The following APBB2 variants were observed in gnomAD, a reference collection of about 807,000 sequenced individuals.
APBB2 encodes the protein amyloid beta precursor protein binding family B member 2.
Under a neutral mutation model 82.5 loss-of-function variants are expected in APBB2, and 38 were observed. The observed-to-expected ratio is 0.46, with a 90% CI of 0.36 to 0.60. The LOEUF is 0.60. APBB2 is among the 20% of genes least tolerant of loss of function. APBB2 has a pLI of 0.00. For synonymous variants in APBB2, 341 were observed against 368.2 expected, an observed-to-expected ratio of 0.93 and a Z score of 0.85; for missense variants, 772 against 972.3, an observed-to-expected ratio of 0.79 and a Z score of 2.74.
At position 40,833,023 on chromosome 4, in the gene APBB2, G is replaced by C. The variant is rs529275657; in HGVS notation, c.1530-2446C>G. Among the ~76,000 whole-genome samples the C allele has an allele frequency of 2.6e-5, 4 of 152,276 alleles. No homozygotes were observed. In the East Asian group the frequency reaches 7.7e-4, roughly 29 times the overall value. ...TGAGCACAGTCTTCTCCACACTGTG[G>C]CCTTCCCATCCAGCCTCAACCACCA... is the stretch of plus-strand genomic sequence containing the variant. On this transcript the variant is annotated intron_variant, in intron 12 of 17. Transcript: ENST00000508593.
intron 6 of APBB2, among the ~76,000 whole-genome samples, chr4:40,981,174 G>A (rs1388760139): frequency 7.9e-5 from 12 of 152,298 alleles, no homozygotes; most frequent in East Asian, 3.9e-4. Context: ...GGAGGCTGAG[G>A]CGGGCGGATC....
At chr4:41,076,670 C>T (rs184476210) in intron 3 of APBB2, among the ~76,000 whole-genome samples, 1 of 152,312 alleles carries the variant, frequency 6.6e-6, no homozygotes, top group Admixed American at 6.5e-5. Context: ...CAAAGCCTTG[C>T]TTTGTGCCTC....
intron 6 of APBB2, among the ~76,000 whole-genome samples, chr4:40,948,760 TAAAAAAAAA>T (rs34662232): frequency 3.6e-5 from 3 of 83,358 alleles, no homozygotes; most frequent in African/African-American, 9.6e-5. Context: ...ACTCCCATCT[TAAAAAAAAA>T]AAAAAAAAAA....
intron 3 of APBB2, among the ~76,000 whole-genome samples, 159 bp downstream of exon 3, chr4:41,100,480 A>G (rs910244704): frequency 6.6e-6 from 1 of 152,066 alleles, no homozygotes; most frequent in Non-Finnish European, 1.5e-5. Flanking sequence ...TTTTTTACAC[A>G]AAGAGGTTTC....
chr4:41,204,695 G>T (rs986165339), intron 1 of APBB2, among the ~76,000 whole-genome samples: 1 of 152,180 alleles, frequency 6.6e-6, no homozygotes, highest in African/African-American at 2.4e-5. Flanking sequence ...GGCCATCCTG[G>T]TCAGTGTCCA....
At chr4:40,852,750 C>T (rs571665508) in intron 12 of APBB2, among the ~76,000 whole-genome samples, 5 of 152,146 alleles carry the variant, frequency 3.3e-5, no homozygotes, top group African/African-American at 1.2e-4. Flanking sequence ...AAGAGATTCT[C>T]GTGCCTCAGC....
At chr4:41,209,243 G>T (rs1036962934) in intron 1 of APBB2, among the ~76,000 whole-genome samples, 1 of 152,142 alleles carries the variant, frequency 6.6e-6, no homozygotes. Flanking sequence ...AAAGGTTAAT[G>T]AGGCTGAGTT....
rs559828591 is a variant in APBB2 at position 40,837,379 on chromosome 4, G to C, written c.1530-6802C>G. ...CTTCCGGCTTCCAGAGCACCAGGAG[G>C]GTCCCATCTCAGACAGGCTGGGAGC... On this transcript the variant is annotated intron_variant, in intron 12 of 17. Coordinates refer to ENST00000508593, the MANE Select transcript of APBB2 (RefSeq NM_004307.2). Among the ~76,000 whole-genome samples, 37 of 152,316 alleles carry C rather than the reference G, an allele frequency of 2.4e-4. No individual in the cohort carries two copies. The South Asian group carries it at 7.7e-3, about 32-fold the overall frequency.
At chr4:41,100,167 T>C (rs1744870366) in intron 3 of APBB2, among the ~76,000 whole-genome samples, 1 of 152,228 alleles carries the variant, frequency 6.6e-6, no homozygotes, top group Non-Finnish European at 1.5e-5. Flanking sequence ...AAGAATTTAT[T>C]GGACAAGCAA....
chr4:40,978,873 T>A (rs1005833409), intron 6 of APBB2, among the ~76,000 whole-genome samples: 7 of 152,138 alleles, frequency 4.6e-5, no homozygotes, highest in African/African-American at 1.7e-4. Flanking sequence ...ACAAAAAAAA[T>A]TGCTCATTAA....
chr4:41,036,208 C>T (rs1719106438), intron 4 of APBB2, among the ~76,000 whole-genome samples: 1 of 152,080 alleles, frequency 6.6e-6, no homozygotes, highest in Non-Finnish European at 1.5e-5. Context: ...TGCATAGATT[C>T]TATGCAAATA....
intron 10 of APBB2, among the ~76,000 whole-genome samples, chr4:40,898,731 G>A (rs1007227411): frequency 2.0e-5 from 3 of 151,794 alleles, no homozygotes; most frequent in Non-Finnish European, 4.4e-5. Context: ...CAACAGGCCG[G>A]GCATGGTGGC....
chr4:40,919,872 G>A (rs569155080), intron 10 of APBB2, among the ~76,000 whole-genome samples: 1 of 152,252 alleles, frequency 6.6e-6, no homozygotes, highest in Non-Finnish European at 1.5e-5. Context: ...TGAGAGAAGC[G>A]AAGTCCAGAG....
intron 6 of APBB2, among the ~76,000 whole-genome samples, chr4:41,006,775 G>A (rs1213795544): frequency 1.3e-5 from 2 of 152,106 alleles, no homozygotes; most frequent in African/African-American, 4.8e-5. Flanking sequence ...CATGGGCCTA[G>A]TATTTGTAAG....
chr4:40,970,504 C>T (rs1445928151), intron 6 of APBB2, among the ~76,000 whole-genome samples: 2 of 152,000 alleles, frequency 1.3e-5, no homozygotes, highest in African/African-American at 2.4e-5. Flanking sequence ...AAACTAACTG[C>T]ATTTGGGTTT....
At chr4:41,110,530 G>A (rs1748813710) in intron 2 of APBB2, among the ~76,000 whole-genome samples, 1 of 151,586 alleles carries the variant, frequency 6.6e-6, no homozygotes, top group East Asian at 1.9e-4. Context: ...TTGAGCCCGG[G>A]AGGCAGAGGT....
At chr4:41,071,276 A>C (rs1733789421) in intron 3 of APBB2, among the ~76,000 whole-genome samples, 1 of 152,256 alleles carries the variant, frequency 6.6e-6, no homozygotes, top group Non-Finnish European at 1.5e-5. Context: ...GATGTAAGCT[A>C]TCTAAAAGGT....
Position 40,815,966 on chromosome 4 carries a change from G to C in APBB2, c.*126C>G. Reference sequence around the variant, plus strand: ...GAACATGCTTGTCTAACACTGCTTGGTTAAGGGTAAATTCTCTGAAGACAA... The same window carrying C: ...GAACATGCTTGTCTAACACTGCTTGCTTAAGGGTAAATTCTCTGAAGACAA... On this transcript the variant is annotated 3_prime_UTR_variant, in exon 18 of 18. Coordinates refer to ENST00000508593, the MANE Select transcript of APBB2 (RefSeq NM_004307.2). The C allele has an allele frequency of 9.3e-7, 1 of 1,071,124 alleles. No individual in the cohort carries two copies. The highest frequency in any genetic ancestry group is 1.5e-5 in the South Asian group (1 of 66,162). 66.4% of individuals were successfully genotyped at this position (1,071,124 alleles called of 1,614,324 possible).
At chr4:41,043,994 G>A (rs1357841110) in intron 4 of APBB2, among the ~76,000 whole-genome samples, 5 of 152,180 alleles carry the variant, frequency 3.3e-5, no homozygotes, top group Non-Finnish European at 7.3e-5. Flanking sequence ...TCAGTCTGTG[G>A]TGGTATGATC....
Sources: gnomAD v4.1 joint callset for allele counts (sites outside exome capture counted in the v4.1 genomes callset) on GRCh38, gnomAD v4.1.1 for gene constraint, MANE v1.5 for transcripts, NCBI Gene and HGNC (gene_info 2026-07-23, HGNC 2026-07-21) for gene names.